LRMDA: variants seen among roughly 807,000 people sequenced by gnomAD.
LRMDA encodes the protein leucine-rich melanocyte differentiation-associated protein.
LRMDA carries 18 observed loss-of-function variants against 29.8 expected under a neutral mutation model. The ratio of observed to expected loss-of-function variants is 0.60; its 90% confidence interval spans 0.42 to 0.90. The LOEUF is 0.90. Among genes scored for constraint, LRMDA ranks in the 40% least tolerant of loss-of-function variants. The pLI is 0.00. For missense variants in LRMDA, 273 were observed against 273.9 expected, an observed-to-expected ratio of 1.00 and a Z score of 0.02; for synonymous variants, 125 against 109.4, an observed-to-expected ratio of 1.14 and a Z score of -0.89.
intron 6 of LRMDA, among the ~76,000 whole-genome samples, chr10:76,429,027 C>G (rs921372538): frequency 2.0e-5 from 3 of 150,438 alleles, no homozygotes; most frequent in African/African-American, 7.5e-5. Flanking sequence ...CAATTATACA[C>G]ACACACACAC....
At chr10:75,476,289 C>A (rs997494032) in intron 2 of LRMDA, among the ~76,000 whole-genome samples, 1 of 152,100 alleles carries the variant, frequency 6.6e-6, no homozygotes, top group Non-Finnish European at 1.5e-5. Flanking sequence ...ACATGTGTGG[C>A]CCCAAGCTCT....
chr10:75,843,032 A>G (rs1229357559), intron 2 of LRMDA, among the ~76,000 whole-genome samples: 2 of 152,154 alleles, frequency 1.3e-5, no homozygotes, highest in Non-Finnish European at 2.9e-5. Flanking sequence ...AAAATACGTA[A>G]GTAAATAAGT....
intron 6 of LRMDA, among the ~76,000 whole-genome samples, chr10:76,385,192 C>T (rs765352997): frequency 1.3e-5 from 2 of 152,176 alleles, no homozygotes; most frequent in Non-Finnish European, 2.9e-5. Flanking sequence ...ACGGAATTGG[C>T]TTTCAGTTGC....
chr10:75,738,525 A>G (rs1026857566), intron 2 of LRMDA, among the ~76,000 whole-genome samples: 4 of 152,178 alleles, frequency 2.6e-5, no homozygotes, highest in Non-Finnish European at 5.9e-5. Context: ...CCAATTTTGC[A>G]TGAAATCTTA....
At chr10:75,998,723 T>C (rs1847513690) in intron 2 of LRMDA, among the ~76,000 whole-genome samples, 1 of 152,216 alleles carries the variant, frequency 6.6e-6, no homozygotes, top group Non-Finnish European at 1.5e-5. Context: ...CTTGACATTG[T>C]CCTCTACTTT....
chr10:75,877,202 C>T (rs1845212755), intron 2 of LRMDA, among the ~76,000 whole-genome samples: 1 of 152,222 alleles, frequency 6.6e-6, no homozygotes, highest in African/African-American at 2.4e-5. Context: ...TGGTGGAACC[C>T]ATTCTCTGCT....
chr10:76,025,277 C>T, intron 2 of LRMDA, among the ~76,000 whole-genome samples: 1 of 147,112 alleles, frequency 6.8e-6, no homozygotes, highest in Non-Finnish European at 1.5e-5. Context: ...TGGAGGCTGT[C>T]CTTCATCTAG....
chr10:76,261,779 G>A (rs968284505), intron 5 of LRMDA, among the ~76,000 whole-genome samples: 2 of 152,176 alleles, frequency 1.3e-5, no homozygotes, highest in African/African-American at 4.8e-5. Context: ...TACAAAGGTA[G>A]ATAACATTTC....
At chr10:75,672,914 A>T (rs1350926855) in intron 2 of LRMDA, among the ~76,000 whole-genome samples, 4 of 147,732 alleles carry the variant, frequency 2.7e-5, no homozygotes, top group Admixed American at 6.7e-5. Context: ...AATGGTTCCT[A>T]GTTCCTCTCG....
At chr10:76,031,758 C>A (rs961795472) in intron 2 of LRMDA, among the ~76,000 whole-genome samples, 1 of 152,148 alleles carries the variant, frequency 6.6e-6, no homozygotes, top group African/African-American at 2.4e-5. Context: ...TATTTAGAGT[C>A]GAGGAAGTAG....
chr10:76,418,489 A>G (rs75007858), intron 6 of LRMDA, among the ~76,000 whole-genome samples: 3,012 of 152,040 alleles, frequency 0.02, 86 homozygotes, highest in South Asian at 0.13. Flanking sequence ...TCATATGTTT[A>G]TTTTGAAGCC....
chr10:76,231,013 T>G (rs1564693863), intron 5 of LRMDA, among the ~76,000 whole-genome samples: 1 of 152,234 alleles, frequency 6.6e-6, no homozygotes, highest in Non-Finnish European at 1.5e-5. Context: ...TTAGCTTGTT[T>G]GCAAAGGGTT....
intron 2 of LRMDA, among the ~76,000 whole-genome samples, chr10:75,842,889 C>T (rs1844565986): frequency 6.6e-6 from 1 of 151,974 alleles, no homozygotes; most frequent in African/African-American, 2.4e-5. Flanking sequence ...GGGGTGGTAG[C>T]ATGAGCTTGT....
chr10:75,719,727 G>T (rs541883441), intron 2 of LRMDA, among the ~76,000 whole-genome samples: 2 of 152,156 alleles, frequency 1.3e-5, no homozygotes, highest in Admixed American at 6.5e-5. Flanking sequence ...TCCTGTTGCC[G>T]TGGGATGGCC....
At chr10:75,654,337 G>T (rs1374529353) in intron 2 of LRMDA, among the ~76,000 whole-genome samples, 1 of 152,138 alleles carries the variant, frequency 6.6e-6, no homozygotes, top group Non-Finnish European at 1.5e-5. Flanking sequence ...CTAAGATAAT[G>T]CTCATCAATC....
At chr10:76,442,074 T>C (rs183050390) in intron 6 of LRMDA, among the ~76,000 whole-genome samples, 6 of 152,346 alleles carry the variant, frequency 3.9e-5, no homozygotes, top group Admixed American at 6.5e-5. Flanking sequence ...TTAATTGCTC[T>C]GATGAAAACC....
At chr10:76,460,647 C>G (rs1325986890) in intron 6 of LRMDA, among the ~76,000 whole-genome samples, 2 of 152,232 alleles carry the variant, frequency 1.3e-5, no homozygotes, top group Non-Finnish European at 2.9e-5. Flanking sequence ...GGGTGCCCAG[C>G]CCAGGGTGGT....
chr10:76,518,311 CTAT>C (rs1843083560), intron 6 of LRMDA, among the ~76,000 whole-genome samples: 2 of 151,712 alleles, frequency 1.3e-5, no homozygotes, highest in African/African-American at 4.8e-5. Flanking sequence ...ATCTATCTAT[CTAT>C]CTATCTATCT....
chr10:75,693,567 A>G (rs1246558796), intron 2 of LRMDA, among the ~76,000 whole-genome samples: 1 of 152,240 alleles, frequency 6.6e-6, no homozygotes, highest in Non-Finnish European at 1.5e-5. Context: ...TGTAATAGGC[A>G]ATCTATCTAC....
Sources: gnomAD v4.1 joint callset for allele counts (sites outside exome capture counted in the v4.1 genomes callset) on GRCh38, gnomAD v4.1.1 for gene constraint, MANE v1.5 for transcripts, NCBI Gene and HGNC (gene_info 2026-07-23, HGNC 2026-07-21) for gene names.